The following RBBP7 variants were observed in gnomAD, a reference collection of about 807,000 sequenced individuals.
RBBP7 encodes the protein RB binding protein 7, chromatin remodeling factor.
A neutral mutation model predicts 35.2 loss-of-function variants in RBBP7; 5 were observed. The ratio of observed to expected loss-of-function variants is 0.14; its 90% confidence interval spans 0.07 to 0.30. RBBP7 has a LOEUF of 0.30. Ranked by LOEUF, RBBP7 falls within the 10% of genes least tolerant of loss-of-function variation. The probability of loss-of-function intolerance (pLI) is 1.00; values close to 1 mark genes in which losing one functional copy is unlikely to be tolerated. For synonymous variants in RBBP7, 140 were observed against 118.7 expected, an observed-to-expected ratio of 1.18 and a Z score of -1.17; for missense variants, 155 against 327.5, an observed-to-expected ratio of 0.47 and a Z score of 4.07.
chrX:16,869,390 G>A (rs1042951108), intron 1 of RBBP7, 170 bp from the exon 2 acceptor site: 10 of 1,060,162 alleles, frequency 9.4e-6, no homozygotes, highest in Non-Finnish European at 1.3e-5. Context: ...TAACAATCAG[G>A]AAGCCTATTT....
In RBBP7 at chrX:16,852,842, C is replaced by G. The variant is rs748450973; in HGVS notation, c.792G>C (p.Pro264=). The change falls in exon 7 of 12, where the codon CCG becomes CCC. Residue 264 remains proline, a synonymous_variant. Coordinates refer to ENST00000380087, the MANE Select transcript of RBBP7 (RefSeq NM_002893.4). ...WDTRSNTTSK[P]SHLVDAHTAE... is the part of the protein sequence containing the mutation. ...CAGTGTGCGCATCCACCAAGTGACT[C>G]GGCTTGGAGGTGGTATTGGACCTGG... is the stretch of plus-strand genomic sequence containing the variant. 6 of 1,211,772 alleles carry G rather than the reference C, an allele frequency of 5.0e-6. No homozygotes were observed. The highest frequency in any genetic ancestry group is 6.7e-6 in the Non-Finnish European group (6 of 895,578).
intron 2 of RBBP7, among the ~76,000 whole-genome samples, chrX:16,865,200 C>T (rs748393368): frequency 5.5e-5 from 6 of 109,436 alleles, no homozygotes; most frequent in East Asian, 5.6e-4. Flanking sequence ...GCCTGGGCAA[C>T]GTGGCAAAAT....
chrX:16,864,979 G>GTACC (rs1930574795), intron 2 of RBBP7, among the ~76,000 whole-genome samples: 1 of 96,749 alleles, frequency 1.0e-5, no homozygotes, highest in Non-Finnish European at 2.0e-5. Flanking sequence ...TGCACCCGTA[G>GTACC]TACCAGCTAC....
intron 3 of RBBP7, 27 bp from the exon 4 acceptor site, chrX:16,858,876 C>A: frequency 8.3e-7 from 1 of 1,200,079 alleles, no homozygotes; most frequent in Non-Finnish European, 1.1e-6. Flanking sequence ...GAAACACACA[C>A]ACACACACTC....
At chrX:16,869,553 T>C in intron 1 of RBBP7, 2 of 1,166,269 alleles carry the variant, frequency 1.7e-6, no homozygotes, top group Non-Finnish European at 1.1e-6. Context: ...GGAAGACAAA[T>C]GCACGTGTAG....
intron 5 of RBBP7, among the ~76,000 whole-genome samples, chrX:16,855,052 CCT>C (rs1491170016): frequency 1.3e-5 from 1 of 79,312 alleles, no homozygotes; most frequent in African/African-American, 5.0e-5. Context: ...TATTAAATCA[CCT>C]TTTTTTTTTT....
intron 10 of RBBP7, chrX:16,848,786 G>A (rs1445413843): frequency 8.9e-6 from 1 of 112,724 alleles, no homozygotes; most frequent in Non-Finnish European, 1.9e-5. Flanking sequence ...GGGCCAAGGA[G>A]ATGCGTGATG....
chrX:16,857,876 CT>C (rs1376085547), intron 4 of RBBP7, among the ~76,000 whole-genome samples, 167 bp from the exon 5 acceptor site: 2 of 111,718 alleles, frequency 1.8e-5, no homozygotes, highest in African/African-American at 6.5e-5. Context: ...TGATTGGTTT[CT>C]TTGGAAAACC....
chrX:16,845,508 T>C (rs1269095176), intron 11 of RBBP7, among the ~76,000 whole-genome samples: 3 of 111,871 alleles, frequency 2.7e-5, no homozygotes, highest in Non-Finnish European at 5.6e-5. Context: ...GTATCCCTCA[T>C]GCCTACCACA....
intron 2 of RBBP7, among the ~76,000 whole-genome samples, chrX:16,866,003 G>A (rs1243390617): frequency 9.0e-6 from 1 of 111,722 alleles, no homozygotes; most frequent in Non-Finnish European, 1.9e-5. Flanking sequence ...ACTTCTACAC[G>A]CTGGCAAGGA....
chrX:16,862,854 A>G (rs1208333905), intron 3 of RBBP7, 101 bp downstream of exon 3: 4 of 957,238 alleles, frequency 4.2e-6, no homozygotes, highest in Non-Finnish European at 4.3e-6. Flanking sequence ...CCTAGAAGTT[A>G]AATTACTGGG....
chrX:16,850,262 C>A (rs756477427), intron 9 of RBBP7, among the ~76,000 whole-genome samples: 2 of 112,679 alleles, frequency 1.8e-5, no homozygotes, highest in Non-Finnish European at 3.7e-5. Flanking sequence ...GTCTCGAACT[C>A]CTGGGTTCAA....
intron 9 of RBBP7, among the ~76,000 whole-genome samples, chrX:16,850,347 T>C (rs917971067): frequency 2.7e-5 from 3 of 112,729 alleles, no homozygotes; most frequent in Non-Finnish European, 5.6e-5. Flanking sequence ...CCCTATCTAA[T>C]GTAATTTTAA....
intron 1 of RBBP7, chrX:16,869,635 C>G (rs1930721913): frequency 8.6e-7 from 1 of 1,159,339 alleles, no homozygotes; most frequent in East Asian, 3.3e-5. Flanking sequence ...CCCGCCTCGG[C>G]AGCCATAGGC....
intron 5 of RBBP7, among the ~76,000 whole-genome samples, chrX:16,855,596 A>G (rs1930328952): frequency 9.0e-6 from 1 of 110,942 alleles, no homozygotes; most frequent in Non-Finnish European, 1.9e-5. Context: ...AATGTCAGCT[A>G]TTATTATTAC....
chrX:16,864,591 G>A (rs1930562205), intron 2 of RBBP7, among the ~76,000 whole-genome samples: 1 of 108,495 alleles, frequency 9.2e-6, no homozygotes, highest in Admixed American at 9.9e-5. Flanking sequence ...CATGCACAGT[G>A]GGCCAAGAAT....
At chrX:16,847,465 C>G (rs1278651470) in intron 10 of RBBP7, 1 of 110,278 alleles carries the variant, frequency 9.1e-6, no homozygotes, top group Non-Finnish European at 1.9e-5. Flanking sequence ...AGAGAGTACT[C>G]TTAAGGGGTA....
chrX:16,862,783 T>C (rs1213132151), intron 3 of RBBP7, among the ~76,000 whole-genome samples, 172 bp downstream of exon 3: 1 of 112,413 alleles, frequency 8.9e-6, no homozygotes, highest in East Asian at 2.8e-4. Context: ...AATTTTTCAA[T>C]TCTGCAATTA....
chrX:16,852,902 G>A, intron 6 of RBBP7, 27 bp from the exon 7 acceptor site: 1 of 1,209,400 alleles, frequency 8.3e-7, no homozygotes, highest in Non-Finnish European at 1.1e-6. Context: ...AAGGCACACG[G>A]CACCCAGGGA....
Sources: allele counts gnomAD v4.1 joint callset (sites outside exome capture counted in the v4.1 genomes callset), GRCh38; gene constraint gnomAD v4.1.1; transcripts MANE v1.5; gene names NCBI Gene and HGNC (gene_info 2026-07-23, HGNC 2026-07-21).